SLMAP: variants seen among roughly 807,000 people sequenced by gnomAD.
SLMAP encodes the protein sarcolemma associated protein.
In SLMAP, 44 loss-of-function variants were observed where a neutral mutation model predicts 128.8. The observed-to-expected ratio is 0.34, with a 90% confidence interval of 0.27 to 0.44. The LOEUF (loss-of-function observed/expected upper bound fraction) is 0.44. SLMAP is among the 20% of genes least tolerant of loss of function. The pLI, the probability that SLMAP is intolerant of heterozygous loss-of-function variation, is 1.00. For synonymous variants in SLMAP, 327 were observed against 348.8 expected (o/e 0.94, Z 0.70); for missense variants, 787 against 985.3 (o/e 0.80, Z 2.69).
At position 57,757,364 on chromosome 3, in the gene SLMAP, T is replaced by G; in HGVS notation, c.-288T>G. ...AGTTTTCTTGGCCGAAGCTGCCCGA[T>G]GTTTGAGCCTTTTCTTCCCAGAGAA... On this transcript the variant is annotated 5_prime_UTR_variant, in exon 2 of 25. It removes an upstream start codon present in the reference 5' UTR. Transcript: ENST00000671191. The G allele has an allele frequency of 4.2e-6, 2 of 475,908 alleles. No individual in the cohort carries two copies. The highest frequency in any genetic ancestry group is 4.2e-5 in the East Asian group (1 of 24,088). The allele number at this position is 475,908 out of a possible 1,614,324, so 29.5% of individuals were successfully genotyped here.
In SLMAP at chr3:57,896,544, C is replaced by T. The variant is rs2153659512; in HGVS notation, c.1394C>T (p.Ser465Leu). 6.2e-7 allele frequency: 1 copy of T among 1,609,284 alleles called. No homozygotes were observed. Among genetic ancestry groups the T allele is most frequent in the Non-Finnish European group, 8.5e-7 (1 of 1,178,444 alleles). The change falls in exon 16 of 25, where the codon TCA becomes TTA. Residue 465 changes from serine to leucine, a missense_variant. Coordinates refer to ENST00000671191, the MANE Select transcript of SLMAP (RefSeq NM_001377540.1). ...NQTRAKESDF[S>L]DTLSPSKEKS... is the part of the protein sequence containing the mutation. ...ACAAGAGCAAAAGAATCTGATTTTT[C>T]AGATACTCTGAGTCCAAGCAAGGAA...
At position 57,890,035 on chromosome 3, in the gene SLMAP, T is replaced by C; in HGVS notation, c.1301-6T>C. On this transcript the variant is annotated splice_polypyrimidine_tract_variant and splice_region_variant and intron_variant, in intron 14 of 24. Coordinates refer to ENST00000671191, the MANE Select transcript of SLMAP (RefSeq NM_001377540.1). ...CTTGGATGGTAACGTTTATTTTCCT[T>C]GGCAGAGAAGCTGATCGTCGAAGGG... 6.2e-7 allele frequency: 1 copy of C among 1,608,970 alleles called. No homozygotes were observed. The highest frequency in any genetic ancestry group is 1.7e-4 in the Middle Eastern group (1 of 6,050).
Position 57,912,351 on chromosome 3 carries a change from G to A in SLMAP, c.1700-30G>A, listed in dbSNP as rs1424379454. The A allele has an allele frequency of 1.9e-6, 3 of 1,579,568 alleles. No individual in the cohort carries two copies. The Admixed American group carries it at 5.0e-5, about 26-fold the overall frequency. ...ATGGATTATTCTTTTATTCTAATGGGCCAAGAAAATGATGGATATACTTTT... is the reference window on the plus strand; with the variant it reads ...ATGGATTATTCTTTTATTCTAATGGACCAAGAAAATGATGGATATACTTTT... On this transcript the variant is annotated intron_variant, in intron 19 of 24. Transcript: ENST00000671191.
intron 2 of SLMAP, among the ~76,000 whole-genome samples, chr3:57,768,500 C>T (rs2080172594): frequency 6.6e-6 from 1 of 152,110 alleles, no homozygotes; most frequent in Non-Finnish European, 1.5e-5. Flanking sequence ...AGGAAGATTG[C>T]TTGAGGCCAG....
At chr3:57,909,518 A>G (rs2096643723) in intron 19 of SLMAP, among the ~76,000 whole-genome samples, 1 of 151,472 alleles carries the variant, frequency 6.6e-6, no homozygotes, top group African/African-American at 2.4e-5. Context: ...AAAAAAAAAA[A>G]TGAAATGGAA....
intron 2 of SLMAP, among the ~76,000 whole-genome samples, chr3:57,810,218 G>A (rs1018319564): frequency 8.5e-5 from 13 of 152,118 alleles, no homozygotes; most frequent in Non-Finnish European, 1.5e-4. Flanking sequence ...GGAGCTGCCC[G>A]CCCCACTGCA....
intron 2 of SLMAP, among the ~76,000 whole-genome samples, chr3:57,799,252 C>G (rs986642263): frequency 1.3e-5 from 2 of 152,210 alleles, no homozygotes; most frequent in African/African-American, 2.4e-5. Flanking sequence ...ATATACCTAG[C>G]TAACCCATTA....
At chr3:57,855,072 G>A (rs11717886) in intron 6 of SLMAP, among the ~76,000 whole-genome samples, 443 of 152,178 alleles carry the variant, frequency 2.9e-3, no homozygotes, top group Middle Eastern at 0.01. Flanking sequence ...CACAGAAAAG[G>A]TACAGTAAAA....
chr3:57,820,189 A>G (rs931814668), intron 2 of SLMAP, among the ~76,000 whole-genome samples: 2 of 152,182 alleles, frequency 1.3e-5, no homozygotes, highest in Admixed American at 6.5e-5. Context: ...AAATATCACA[A>G]TATCCCCTCG....
chr3:57,808,461 T>A (rs941719683), intron 2 of SLMAP, among the ~76,000 whole-genome samples: 1 of 152,234 alleles, frequency 6.6e-6, no homozygotes, highest in Non-Finnish European at 1.5e-5. Context: ...TGTTGTCTCT[T>A]TATTCTCATT....
At chr3:57,925,965 T>C in intron 24 of SLMAP, 31 bp downstream of exon 24, 1 of 1,459,134 alleles carries the variant, frequency 6.9e-7, no homozygotes, top group Non-Finnish European at 9.4e-7. Flanking sequence ...TCCTTGTCTG[T>C]TTGTCCCCGT....
At chr3:57,810,777 A>T (rs1444977753) in intron 2 of SLMAP, among the ~76,000 whole-genome samples, 1 of 152,156 alleles carries the variant, frequency 6.6e-6, no homozygotes, top group Non-Finnish European at 1.5e-5. Flanking sequence ...CTTGGAAAAC[A>T]TTATTCACAT....
intron 2 of SLMAP, among the ~76,000 whole-genome samples, chr3:57,816,752 A>C (rs901083908): frequency 1.3e-5 from 2 of 152,200 alleles, no homozygotes; most frequent in African/African-American, 2.4e-5. Flanking sequence ...GTTGGGGGAA[A>C]GTGTTTATTT....
chr3:57,793,176 T>C (rs2153478243), intron 2 of SLMAP, among the ~76,000 whole-genome samples: 1 of 152,210 alleles, frequency 6.6e-6, no homozygotes, highest in East Asian at 1.9e-4. Context: ...GATCCTCCCA[T>C]GTCAGCCTCC....
rs2097044478 is a variant in SLMAP at position 57,928,779 on chromosome 3, T to A, written c.*1490T>A. 1 of 152,410 alleles carries A rather than the reference T, an allele frequency of 6.6e-6. No homozygotes were observed. Among genetic ancestry groups the A allele is most frequent in the Non-Finnish European group, 1.5e-5 (1 of 68,024 alleles). The allele number at this position is 152,410 out of a possible 1,614,324, so 9.4% of individuals were successfully genotyped here. On this transcript the variant is annotated 3_prime_UTR_variant, in exon 25 of 25. Coordinates refer to ENST00000671191, the MANE Select transcript of SLMAP (RefSeq NM_001377540.1). ...TTAGGGTATAATTTGCCTTGTGATG[T>A]TTGGCAGTCACTGTTTATACTTTAA... is the stretch of plus-strand genomic sequence containing the variant.
Position 57,862,097 on chromosome 3 carries a change from A to T in SLMAP, c.966+11A>T. The T allele has an allele frequency of 6.4e-7, 1 of 1,551,310 alleles. No individual in the cohort carries two copies. Among genetic ancestry groups the T allele is most frequent in the Non-Finnish European group, 8.9e-7 (1 of 1,126,298 alleles). On this transcript the variant is annotated intron_variant, in intron 10 of 24. Transcript: ENST00000671191. ...TCTGATAAATTAAAGGTATGTATTT[A>T]CTCTGCCTGAAAGTATGTTAAGCTA...
At chr3:57,823,395 G>A (rs146243900) in intron 2 of SLMAP, among the ~76,000 whole-genome samples, 1,848 of 150,776 alleles carry the variant, frequency 0.012, 27 homozygotes, top group African/African-American at 0.043. Context: ...AACAGTCCCC[G>A]GTGTGTGATG....
At chr3:57,895,571 TG>T (rs1057140431) in intron 15 of SLMAP, among the ~76,000 whole-genome samples, 1 of 152,004 alleles carries the variant, frequency 6.6e-6, no homozygotes, top group African/African-American at 2.4e-5. Context: ...CCTGACCTCA[TG>T]ATCCATCCAC....
intron 14 of SLMAP, among the ~76,000 whole-genome samples, chr3:57,879,994 C>A (rs1290153239): frequency 6.6e-6 from 1 of 151,408 alleles, no homozygotes; most frequent in Non-Finnish European, 1.5e-5. Context: ...ATAGTAGTTA[C>A]CTTTATGGGA....
Sources: gnomAD v4.1 joint callset for allele counts (sites outside exome capture counted in the v4.1 genomes callset) on GRCh38, gnomAD v4.1.1 for gene constraint, MANE v1.5 for transcripts, NCBI Gene and HGNC (gene_info 2026-07-23, HGNC 2026-07-21) for gene names.